The following DGKI variants were observed in gnomAD, a reference collection of about 807,000 sequenced individuals.
The protein encoded by DGKI is diacylglycerol kinase iota.
DGKI carries 55 observed loss-of-function variants against 147.5 expected under a neutral mutation model. The observed-to-expected ratio is 0.37, with a 90% CI of 0.30 to 0.47. DGKI has a LOEUF of 0.47. DGKI is among the 20% of genes least tolerant of loss of function. The pLI is 1.00. For synonymous variants in DGKI, 469 were observed against 477.1 expected (o/e 0.98, Z 0.22); for missense variants, 1,007 against 1,323.8 (o/e 0.76, Z 3.71).
At position 137,656,553 on chromosome 7, in the gene DGKI, A is replaced by T. The variant is rs766247234; in HGVS notation, c.607-13T>A. 1.4e-5 allele frequency: 22 copies of T among 1,613,646 alleles called. No individual in the cohort carries two copies. The Admixed American group carries it at 3.7e-4, about 27-fold the overall frequency. ...TGAGAGCTGATTTCTACAATATTCAATTCAAAAGACAAAAAAGAAATGTTA... is the reference window on the plus strand; with the variant it reads ...TGAGAGCTGATTTCTACAATATTCATTTCAAAAGACAAAAAAGAAATGTTA... On this transcript the variant is annotated splice_polypyrimidine_tract_variant and intron_variant, in intron 3 of 32. Transcript: ENST00000614521.
intron 30 of DGKI, among the ~76,000 whole-genome samples, chr7:137,405,999 G>A (rs1476274574): frequency 2.0e-5 from 3 of 152,100 alleles, no homozygotes; most frequent in African/African-American, 4.8e-5. Flanking sequence ...TGGGTGGGGG[G>A]GTGTGGAGAG....
chr7:137,733,048 G>C (rs1249223551), intron 1 of DGKI, among the ~76,000 whole-genome samples: 2 of 151,486 alleles, frequency 1.3e-5, no homozygotes, highest in Non-Finnish European at 2.9e-5. Flanking sequence ...TAATTACTAC[G>C]TCCACAACCT....
chr7:137,494,230 C>T (rs1815879595), intron 21 of DGKI, among the ~76,000 whole-genome samples: 1 of 152,158 alleles, frequency 6.6e-6, no homozygotes, highest in Non-Finnish European at 1.5e-5. Flanking sequence ...AGAAAGCAAG[C>T]AACTTGGAAA....
intron 27 of DGKI, among the ~76,000 whole-genome samples, chr7:137,446,789 A>T (rs1563023847): frequency 6.6e-6 from 1 of 152,222 alleles, no homozygotes; most frequent in Non-Finnish European, 1.5e-5. Context: ...GAGAAGAAAT[A>T]TTCTGAAATC....
chr7:137,762,569 A>T (rs1386035666), intron 1 of DGKI, among the ~76,000 whole-genome samples: 1 of 152,204 alleles, frequency 6.6e-6, no homozygotes, highest in Non-Finnish European at 1.5e-5. Context: ...TGGTTATGAC[A>T]TCATTATAGT....
chr7:137,448,284 TC>T (rs1813790340), intron 27 of DGKI, among the ~76,000 whole-genome samples: 1 of 86,184 alleles, frequency 1.2e-5, no homozygotes, highest in South Asian at 4.5e-4. Context: ...CGACCATCCA[TC>T]CCAAACTAGA....
In DGKI at chr7:137,391,167, G is replaced by A; in HGVS notation, c.*53C>T. On this transcript the variant is annotated 3_prime_UTR_variant, in exon 33 of 33. Transcript: ENST00000614521. ...CTTCCAGGGGAGCTGCCCAATTGCAGGGAGGGCAGATGTGATACGCTTGCT... is the reference window on the plus strand; with the variant it reads ...CTTCCAGGGGAGCTGCCCAATTGCAAGGAGGGCAGATGTGATACGCTTGCT... 1 of 1,333,448 alleles carries A rather than the reference G, an allele frequency of 7.5e-7. No homozygotes were observed. The highest frequency in any genetic ancestry group is 1.1e-6 in the Non-Finnish European group (1 of 925,466). 82.6% of individuals were successfully genotyped at this position (1,333,448 alleles called of 1,614,324 possible). A position where few individuals can be genotyped will look rare whatever the true frequency, so the allele number is the denominator to read the frequency against.
chr7:137,611,024 C>T (rs2128993416), intron 8 of DGKI, among the ~76,000 whole-genome samples: 1 of 152,278 alleles, frequency 6.6e-6, no homozygotes, highest in Non-Finnish European at 1.5e-5. Context: ...TCATCACTCA[C>T]TGTTGACTCT....
chr7:137,472,346 T>TATTATATGTATATATACATATA (rs1563040206), intron 23 of DGKI, among the ~76,000 whole-genome samples: 650 of 4,206 alleles, frequency 0.15, 6 homozygotes, highest in Non-Finnish European at 0.31. Flanking sequence ...TACATATAAT[T>TATTATATGTATATATACATATA]ATTATATGTA....
intron 1 of DGKI, among the ~76,000 whole-genome samples, chr7:137,841,063 T>C (rs533131084): frequency 3.9e-5 from 6 of 152,258 alleles, no homozygotes; most frequent in African/African-American, 1.4e-4. Flanking sequence ...AGGAGTTACA[T>C]AGCTTGTCTG....
intron 8 of DGKI, among the ~76,000 whole-genome samples, chr7:137,611,564 T>C (rs1479293512): frequency 6.6e-6 from 1 of 152,196 alleles, no homozygotes; most frequent in Admixed American, 6.5e-5. Flanking sequence ...TCAGTGACCT[T>C]GGCCAAGTCA....
In DGKI at chr7:137,542,333, C is replaced by G. The variant is rs940863573; in HGVS notation, c.2147+10036G>C. ...CATCAATGTTTATAGGAACTCTACT[C>G]ATTATTGCCCCAAACTGGAAGAATA... On this transcript the variant is annotated intron_variant, in intron 20 of 32. Transcript: ENST00000614521. Among the ~76,000 whole-genome samples, 13 of 152,198 alleles carry G rather than the reference C, an allele frequency of 8.5e-5. No homozygotes were observed. The East Asian group carries it at 2.5e-3, about 29-fold the overall frequency.
At chr7:137,718,839 C>T (rs1440411517) in intron 1 of DGKI, among the ~76,000 whole-genome samples, 1 of 152,118 alleles carries the variant, frequency 6.6e-6, no homozygotes, top group Non-Finnish European at 1.5e-5. Context: ...AGGCTGCCTG[C>T]CATTAGCAAA....
chr7:137,574,746 T>A (rs1322584380), intron 17 of DGKI, among the ~76,000 whole-genome samples: 1 of 152,222 alleles, frequency 6.6e-6, no homozygotes, highest in African/African-American at 2.4e-5. Context: ...TATGTTCCTT[T>A]GTATAAGCTC....
intron 1 of DGKI, among the ~76,000 whole-genome samples, chr7:137,706,793 C>G (rs939784982): frequency 6.6e-6 from 1 of 151,938 alleles, no homozygotes; most frequent in Non-Finnish European, 1.5e-5. Context: ...AGAATGGTCT[C>G]GATCTCCTGA....
At chr7:137,828,197 G>C (rs543141532) in intron 1 of DGKI, among the ~76,000 whole-genome samples, 256 of 152,296 alleles carry the variant, frequency 1.7e-3, no homozygotes, top group Non-Finnish European at 2.8e-3. Flanking sequence ...GCACATAGTG[G>C]CTATTTTTTT....
chr7:137,744,368 C>T (rs1795264683), intron 1 of DGKI, among the ~76,000 whole-genome samples: 1 of 152,058 alleles, frequency 6.6e-6, no homozygotes, highest in Admixed American at 6.6e-5. Flanking sequence ...AGACCAATAA[C>T]ATGTAAAGAA....
intron 26 of DGKI, 99 bp from the exon 27 acceptor site, chr7:137,463,710 A>C: frequency 2.9e-6 from 4 of 1,396,122 alleles, no homozygotes; most frequent in Non-Finnish European, 3.9e-6. Context: ...AAATGTGAGA[A>C]GCAAAATTCA....
In DGKI at chr7:137,846,134, T is replaced by TTCTCTCTCTCTCTCTCTCTCTCTC. The variant is rs775814446; in HGVS notation, c.401+304_401+327dup. 1.1e-4 allele frequency among the ~76,000 whole-genome samples: 9 copies of TTCTCTCTCTCTCTCTCTCTCTCTC among 85,326 alleles called. No homozygotes were observed. The highest frequency in any genetic ancestry group is 3.5e-4 in the African/African-American group (7 of 19,742). The allele number at this position is 85,326 out of a possible 152,430, so 56.0% of individuals were successfully genotyped here. ...TCTGCAACCCTTTCTCTCTCTCTCT[T>TTCTCTCTCTCTCTCTCTCTCTCTC]TCTCTCTCTCTCTCTCTCTCTCTCT... On this transcript the variant is annotated intron_variant, in intron 1 of 32. Coordinates refer to ENST00000614521, the MANE Select transcript of DGKI (RefSeq NM_001321708.2). This position sits in a 1 kb window ranked among gnomAD's most constrained non-coding sequence, Gnocchi z 4.0.
Sources: gnomAD v4.1 joint callset for allele counts (sites outside exome capture counted in the v4.1 genomes callset) on GRCh38, gnomAD v4.1.1 for gene constraint, Gnocchi (gnomAD v3.1) non-coding constraint, MANE v1.5 for transcripts, NCBI Gene and HGNC (gene_info 2026-07-23, HGNC 2026-07-21) for gene names.